Variants in GET4 observed in about 807,000 individuals in gnomAD.
The protein encoded by GET4 is Golgi to ER traffic protein 4 homolog.
A neutral mutation model predicts 40.0 loss-of-function variants in GET4; 20 were observed. The observed-to-expected ratio is 0.50, with a 90% CI of 0.35 to 0.73. The LOEUF (loss-of-function observed/expected upper bound fraction) is 0.73, where lower values mean the gene tolerates loss of function less well. Ranked by LOEUF, GET4 falls within the 30% of genes least tolerant of loss-of-function variation. The pLI is 0.01. For synonymous variants in GET4, 280 were observed against 194.6 expected (o/e 1.44, Z -3.65); for missense variants, 557 against 454.0 (o/e 1.23, Z -2.06).
intron 3 of GET4, chr7:887,056 G>T: frequency 1.7e-6 from 1 of 591,044 alleles, no homozygotes. Context: ...GCTGCTCTGG[G>T]AGATGCCCCG....
chr7:888,762 G>C (rs917027992), intron 4 of GET4, among the ~76,000 whole-genome samples: 54 of 152,242 alleles, frequency 3.5e-4, no homozygotes, highest in Admixed American at 3.5e-3. Flanking sequence ...CTGTCCCCCA[G>C]CCAGCATGGC....
At chr7:883,680 C>T (rs375919870) in intron 1 of GET4, 13 of 985,610 alleles carry the variant, frequency 1.3e-5, no homozygotes, top group Admixed American at 1.2e-4. Flanking sequence ...AGAGCCGGGC[C>T]GGGAGAAGGC....
intron 1 of GET4, chr7:878,329 TG>T (rs1489808553): frequency 6.4e-6 from 3 of 471,180 alleles, no homozygotes; most frequent in Non-Finnish European, 1.3e-5. Flanking sequence ...AGTTGTTCTG[TG>T]TGTGGCATTC....
Position 886,561 on chromosome 7 carries a change from T to C in GET4, c.235-8T>C. 6.2e-7 allele frequency: 1 copy of C among 1,605,884 alleles called. No individual in the cohort carries two copies. The highest frequency in any genetic ancestry group is 8.5e-7 in the Non-Finnish European group (1 of 1,173,016). ...TTCTTGATTCTTGTGTGTTGCTTTC[T>C]CTTGTAGCAAAACAGTGCAGCAGAC... On this transcript the variant is annotated splice_region_variant and splice_polypyrimidine_tract_variant and intron_variant, in intron 2 of 8. Coordinates refer to ENST00000265857, the MANE Select transcript of GET4 (RefSeq NM_015949.3).
At chr7:884,068 C>T (rs1331527114) in intron 1 of GET4, 5 of 1,184,596 alleles carry the variant, frequency 4.2e-6, no homozygotes, top group African/African-American at 1.6e-5. Context: ...GAATATGGGT[C>T]ACTGCCTTCC....
At chr7:889,724 AGCGG>A (rs2128628662) in intron 4 of GET4, among the ~76,000 whole-genome samples, 1 of 110,350 alleles carries the variant, frequency 9.1e-6, no homozygotes, top group Admixed American at 9.4e-5. Flanking sequence ...AGGGAGTGCG[AGCGG>A]GTGTTAGGAC....
intron 2 of GET4, 187 bp from the exon 3 acceptor site, chr7:886,382 C>T: frequency 1.6e-6 from 1 of 615,728 alleles, no homozygotes; most frequent in African/African-American, 1.8e-5. Context: ...ACGTCCCCGT[C>T]CATTTTCATG....
Position 892,210 on chromosome 7 carries a change from G to T in GET4, c.606-68G>T, listed in dbSNP as rs374593744. The T allele has an allele frequency of 2.3e-4, 358 of 1,529,280 alleles. 4 individuals are homozygous for T. The South Asian group carries it at 3.8e-3, about 16-fold the overall frequency. The allele number at this position is 1,529,280 out of a possible 1,614,324, so 94.7% of individuals were successfully genotyped here. On this transcript the variant is annotated intron_variant, in intron 5 of 8. Coordinates refer to ENST00000265857, the MANE Select transcript of GET4 (RefSeq NM_015949.3). The stretch of plus-strand genomic sequence containing the variant: ...CGAGCTTGGGAAGGACATGTCGGAG[G>T]CCGGCGCCTGTGCGGGCAGAAGCTG...
chr7:881,503 C>T (rs1344710978), intron 1 of GET4: 1 of 152,236 alleles, frequency 6.6e-6, no homozygotes, highest in African/African-American at 2.4e-5. Context: ...CCTGGAGCGT[C>T]CGCAGTTCCT....
chr7:885,916 ACC>A, intron 1 of GET4, 138 bp from the exon 2 acceptor site: 1 of 671,526 alleles, frequency 1.5e-6, no homozygotes. Context: ...TCCACGCAGC[ACC>A]TGGGCCCTGG....
rs1844461626 is a variant in GET4, at chr7:895,518, G to A, written c.*96G>A. The A allele has an allele frequency of 3.3e-6, 2 of 611,872 alleles. No homozygotes were observed. Among genetic ancestry groups the A allele is most frequent in the Non-Finnish European group, 5.8e-6 (2 of 343,260 alleles). 37.9% of individuals were successfully genotyped at this position (611,872 alleles called of 1,614,324 possible). A position where few individuals can be genotyped will look rare whatever the true frequency, so the allele number is the denominator to read the frequency against. ...TGGCTCCTCGCCTTGGGGGCTCCTG[G>A]CCCTGAGGCTGGCGGTGGCCGCATG... On this transcript the variant is annotated 3_prime_UTR_variant, in exon 9 of 9. Transcript: ENST00000265857.
intron 4 of GET4, 56 bp from the exon 5 acceptor site, chr7:890,872 C>G: frequency 2.9e-6 from 4 of 1,390,496 alleles, no homozygotes; most frequent in African/African-American, 1.4e-5. Flanking sequence ...TCCCCCTTTC[C>G]TTTTCTGTGT....
chr7:876,807 G>C lies in GET4; in HGVS notation c.155+7G>C. On this transcript the variant is annotated splice_region_variant and intron_variant, in intron 1 of 8. Transcript: ENST00000265857. ...ACCGGACCCTGTTCTTCAGGTACCC[G>C]CGCCCGGCCCTCGCCGCAGCCCAGC... 8.4e-7 allele frequency: 1 copy of C among 1,194,598 alleles called. No homozygotes were observed. Among genetic ancestry groups the C allele is most frequent in the Admixed American group, 4.5e-5 (1 of 22,434 alleles). 74.0% of individuals were successfully genotyped at this position (1,194,598 alleles called of 1,614,324 possible).
rs1297538840 is a variant in GET4, at chr7:886,022, G to A, written c.156-34G>A. 6.7e-6 allele frequency: 9 copies of A among 1,347,576 alleles called. No homozygotes were observed. The Admixed American group carries it at 6.7e-5, about 10-fold the overall frequency. The allele number at this position is 1,347,576 out of a possible 1,614,324, so 83.5% of individuals were successfully genotyped here. A position where few individuals can be genotyped will look rare whatever the true frequency, so the allele number is the denominator to read the frequency against. On this transcript the variant is annotated intron_variant, in intron 1 of 8. Coordinates refer to ENST00000265857, the MANE Select transcript of GET4 (RefSeq NM_015949.3). ...CGGGGGAGCGCGGTGGCGAGGGCAC[G>A]TGGGCGTGGCTCACGGTCTCCTCTC...
intron 3 of GET4, 195 bp from the exon 4 acceptor site, chr7:887,175 C>T (rs932017387): frequency 4.0e-6 from 3 of 746,052 alleles, no homozygotes; most frequent in Admixed American, 3.8e-5. Context: ...TCCTTCCTCG[C>T]TGTGCTCTGG....
Position 885,909 on chromosome 7 carries a change from A to C in GET4, c.156-147A>C. ...AGGACACCCAGGATAGACCCCCTCC[A>C]CGCAGCACCTGGGCCCTGGGAGCGG... is the stretch of plus-strand genomic sequence containing the variant. On this transcript the variant is annotated intron_variant, in intron 1 of 8. Coordinates refer to ENST00000265857, the MANE Select transcript of GET4 (RefSeq NM_015949.3). 3 of 652,646 alleles carry C rather than the reference A, an allele frequency of 4.6e-6. No homozygotes were observed. The Admixed American group carries it at 7.2e-5, about 16-fold the overall frequency. 40.4% of individuals were successfully genotyped at this position (652,646 alleles called of 1,614,324 possible).
chr7:889,155 C>T (rs1339591700), intron 4 of GET4, among the ~76,000 whole-genome samples: 3 of 152,266 alleles, frequency 2.0e-5, no homozygotes, highest in Non-Finnish European at 2.9e-5. Context: ...GGGAGGGCTG[C>T]GCTCGGCGCA....
intron 2 of GET4, 35 bp downstream of exon 2, chr7:886,169 G>T: frequency 1.4e-6 from 2 of 1,385,088 alleles, no homozygotes; most frequent in Non-Finnish European, 2.1e-6. Flanking sequence ...ATCCCTTTCT[G>T]CTCCGGGCAG....
chr7:887,877 A>C (rs1844225880), intron 4 of GET4, among the ~76,000 whole-genome samples: 1 of 151,956 alleles, frequency 6.6e-6, no homozygotes, highest in African/African-American at 2.4e-5. Context: ...CTTTACGCTG[A>C]CCTCATCTTC....
Sources: allele counts gnomAD v4.1 joint callset (sites outside exome capture counted in the v4.1 genomes callset), GRCh38; gene constraint gnomAD v4.1.1; transcripts MANE v1.5; gene names NCBI Gene and HGNC (gene_info 2026-07-23, HGNC 2026-07-21).